The following INPP4B variants were observed in gnomAD, a reference collection of about 807,000 sequenced individuals.
INPP4B encodes the protein inositol polyphosphate-4-phosphatase type II B.
Under a neutral mutation model 122.5 loss-of-function variants are expected in INPP4B, and 55 were observed. That is an observed-to-expected ratio of 0.45 (90% CI 0.36 to 0.56). The LOEUF is 0.56. Among genes scored for constraint, INPP4B ranks in the 20% least tolerant of loss-of-function variants. The pLI is 0.00. For synonymous variants in INPP4B, 403 were observed against 388.7 expected (o/e 1.04, Z -0.43); for missense variants, 1,000 against 1,097.7 (o/e 0.91, Z 1.26).
intron 2 of INPP4B, among the ~76,000 whole-genome samples, chr4:142,467,511 T>C (rs547291445): frequency 1.3e-5 from 2 of 152,326 alleles, no homozygotes; most frequent in Admixed American, 6.5e-5. Context: ...CCATTGTATC[T>C]TGAGAGTAAA....
rs1736540726 is a variant in INPP4B, at chr4:142,024,825, C to T, written c.*3957G>A. 6.6e-6 allele frequency: 1 copy of T among 152,028 alleles called. No individual in the cohort carries two copies. The highest frequency in any genetic ancestry group is 2.4e-5 in the African/African-American group (1 of 41,404). 9.4% of individuals were successfully genotyped at this position (152,028 alleles called of 1,614,324 possible). On this transcript the variant is annotated 3_prime_UTR_variant, in exon 26 of 26. Transcript: ENST00000262992. ...TGGGCTAACAGTTCCCTGAATTTAG[C>T]CCTGAGTTATTGCTTAGACTACAGT...
intron 1 of INPP4B, among the ~76,000 whole-genome samples, chr4:142,754,682 GA>G (rs1561032989): frequency 6.6e-6 from 1 of 151,922 alleles, no homozygotes; most frequent in East Asian, 1.9e-4. Context: ...TCAGTAACAT[GA>G]ACAGATTCAG....
intron 2 of INPP4B, among the ~76,000 whole-genome samples, chr4:142,583,253 C>A (rs1253230971): frequency 6.6e-6 from 1 of 152,150 alleles, no homozygotes; most frequent in Non-Finnish European, 1.5e-5. Flanking sequence ...TACCTGCCTA[C>A]CCAAGAAAAT....
chr4:142,718,114 G>A (rs1764040547), intron 2 of INPP4B, among the ~76,000 whole-genome samples: 1 of 152,038 alleles, frequency 6.6e-6, no homozygotes. Context: ...GTGAGGAATC[G>A]ACTGGAAATG....
In INPP4B at chr4:142,030,365, A is replaced by C. The variant is rs971472235; in HGVS notation, c.2643-1451T>G. On this transcript the variant is annotated intron_variant, in intron 25 of 25. Coordinates refer to ENST00000262992, the MANE Select transcript of INPP4B (RefSeq NM_001101669.3). ...AGTATAGAGTTCACACAGTAAAAAA[A>C]ATTCAGCCTTAAATATTCTGAAATA... The C allele has an allele frequency of 7.2e-6, 10 of 1,393,960 alleles. No homozygotes were observed. In the African/African-American group the frequency reaches 1.3e-4, roughly 18 times the overall value. The allele number at this position is 1,393,960 out of a possible 1,614,324, so 86.3% of individuals were successfully genotyped here. A position where few individuals can be genotyped will look rare whatever the true frequency, so the allele number is the denominator to read the frequency against.
At chr4:142,560,984 T>C (rs1226214319) in intron 2 of INPP4B, among the ~76,000 whole-genome samples, 1 of 152,168 alleles carries the variant, frequency 6.6e-6, no homozygotes, top group Non-Finnish European at 1.5e-5. Context: ...TTGGTGAAAA[T>C]TAAAAGACCT....
intron 25 of INPP4B, among the ~76,000 whole-genome samples, chr4:142,081,224 A>G (rs769012567): frequency 5.3e-5 from 8 of 152,194 alleles, no homozygotes; most frequent in Non-Finnish European, 1.0e-4. Flanking sequence ...ATCATATGAC[A>G]TTCCTTTCTG....
At chr4:142,217,890 C>T (rs562626686) in intron 12 of INPP4B, among the ~76,000 whole-genome samples, 108 of 152,252 alleles carry the variant, frequency 7.1e-4, no homozygotes, top group African/African-American at 2.4e-3. Flanking sequence ...TGAGACTTTG[C>T]TTTTTTCCTG....
At chr4:142,282,906 T>C (rs552012474) in intron 9 of INPP4B, among the ~76,000 whole-genome samples, 1 of 152,092 alleles carries the variant, frequency 6.6e-6, no homozygotes, top group East Asian at 1.9e-4. Context: ...ACCACAGCAA[T>C]GGGGAGTGAG....
chr4:142,573,524 G>A (rs1337363362), intron 2 of INPP4B, among the ~76,000 whole-genome samples: 4 of 152,062 alleles, frequency 2.6e-5, no homozygotes, highest in East Asian at 1.9e-4. Context: ...ACCTGGCTCA[G>A]ACATAAGTGA....
intron 10 of INPP4B, among the ~76,000 whole-genome samples, chr4:142,261,587 G>A (rs1017697624): frequency 1.3e-5 from 2 of 152,110 alleles, no homozygotes; most frequent in Admixed American, 1.3e-4. Context: ...AAGGGGCTCT[G>A]AGGGCTCAGA....
intron 2 of INPP4B, among the ~76,000 whole-genome samples, chr4:142,562,466 GC>G (rs1730680498): frequency 6.6e-6 from 1 of 152,078 alleles, no homozygotes; most frequent in Non-Finnish European, 1.5e-5. Flanking sequence ...ATCCCATATA[GC>G]CCAGGTCACA....
chr4:142,161,151 C>T (rs17015614), intron 16 of INPP4B, among the ~76,000 whole-genome samples: 12,317 of 151,838 alleles, frequency 0.081, 1,776 homozygotes, highest in African/African-American at 0.28. Flanking sequence ...TTATCACCTC[C>T]TAAATGCTCT....
chr4:142,822,896 C>T (rs1025588999), intron 1 of INPP4B, among the ~76,000 whole-genome samples: 2 of 152,146 alleles, frequency 1.3e-5, no homozygotes, highest in African/African-American at 2.4e-5. Context: ...TGTCTTCTTA[C>T]AAAGGTTTCT....
rs576557997 is a variant in INPP4B at position 142,290,985 on chromosome 4, T to C, written c.503+14473A>G. ...TGAACATATTATTATTATTTTTAAA[T>C]CTCAAATCAGCCTTATGAGATACAG... is the stretch of plus-strand genomic sequence containing the variant. On this transcript the variant is annotated intron_variant, in intron 9 of 25. Coordinates refer to ENST00000262992, the MANE Select transcript of INPP4B (RefSeq NM_001101669.3). Among the ~76,000 whole-genome samples, 11 of 152,234 alleles carry C rather than the reference T, an allele frequency of 7.2e-5. No homozygotes were observed. In the South Asian group the frequency reaches 1.2e-3, roughly 17 times the overall value.
In INPP4B at chr4:142,028,896, C is replaced by G. The variant is rs375588188; in HGVS notation, c.2661G>C (p.Glu887Asp). The G allele has an allele frequency of 2.2e-5, 35 of 1,612,032 alleles. No homozygotes were observed. The highest frequency in any genetic ancestry group is 2.9e-5 in the Non-Finnish European group (34 of 1,179,286). Residue 887 changes from glutamate to aspartate, a missense_variant, in exon 26 of 26, where the codon GAG (glutamate) becomes GAC (aspartate). Transcript: ENST00000262992. ...DCMRREGCRI[E>D]NVLKNIKCRK... ...TGCATTTGATATTCTTCAGTACATTCTCTATGCGGCATCCTTCTCTGGTGA... is the reference window on the plus strand; with the variant it reads ...TGCATTTGATATTCTTCAGTACATTGTCTATGCGGCATCCTTCTCTGGTGA...
At chr4:142,217,589 T>C (rs935295099) in intron 12 of INPP4B, among the ~76,000 whole-genome samples, 4 of 152,314 alleles carry the variant, frequency 2.6e-5, no homozygotes, top group Middle Eastern at 3.4e-3. Flanking sequence ...TCCTTAGGGA[T>C]AAAGATTTGA....
chr4:142,110,734 G>A (rs773644973), intron 22 of INPP4B, among the ~76,000 whole-genome samples: 8 of 152,038 alleles, frequency 5.3e-5, no homozygotes, highest in Non-Finnish European at 1.0e-4. Context: ...TGCATTCTTA[G>A]TATGCAAGAG....
intron 5 of INPP4B, among the ~76,000 whole-genome samples, chr4:142,409,457 T>A (rs1236066054): frequency 6.6e-6 from 1 of 151,928 alleles, no homozygotes; most frequent in East Asian, 1.9e-4. Flanking sequence ...TGCGTCATTG[T>A]GCTCTAGCCT....
Sources: allele counts gnomAD v4.1 joint callset (sites outside exome capture counted in the v4.1 genomes callset), GRCh38; gene constraint gnomAD v4.1.1; transcripts MANE v1.5; gene names NCBI Gene and HGNC (gene_info 2026-07-23, HGNC 2026-07-21).